Variants in SAP18 observed in about 807,000 individuals in gnomAD.
The protein encoded by SAP18 is histone deacetylase complex subunit SAP18.
In SAP18, 4 loss-of-function variants were observed where a neutral mutation model predicts 18.6. That is an observed-to-expected ratio of 0.21 (90% CI 0.11 to 0.49). The LOEUF is 0.49. Ranked by LOEUF, SAP18 falls within the 20% of genes least tolerant of loss-of-function variation. The pLI, the probability that SAP18 is intolerant of heterozygous loss-of-function variation, is 0.98. For synonymous variants in SAP18, 112 were observed against 82.8 expected (o/e 1.35, Z -1.92); for missense variants, 170 against 226.4 (o/e 0.75, Z 1.60).
At chr13:21,143,345 T>A (rs1012869000) in intron 2 of SAP18, among the ~76,000 whole-genome samples, 1 of 152,228 alleles carries the variant, frequency 6.6e-6, no homozygotes, top group Non-Finnish European at 1.5e-5. Context: ...AATTTTAAAC[T>A]ATTTAAGCCC....
intron 2 of SAP18, among the ~76,000 whole-genome samples, chr13:21,142,694 T>C (rs1869512712): frequency 6.6e-6 from 1 of 152,154 alleles, no homozygotes; most frequent in Non-Finnish European, 1.5e-5. Flanking sequence ...AACCACTGTT[T>C]CTACAAGTTT....
chr13:21,142,571 C>T (rs1334878147), intron 2 of SAP18, among the ~76,000 whole-genome samples: 1 of 152,010 alleles, frequency 6.6e-6, no homozygotes, highest in African/African-American at 2.4e-5. Context: ...AAGTGATCCA[C>T]CCACCTTGGC....
At chr13:21,145,396 C>T (rs1322394154) in intron 2 of SAP18, among the ~76,000 whole-genome samples, 2 of 152,082 alleles carry the variant, frequency 1.3e-5, no homozygotes, top group African/African-American at 4.8e-5. Context: ...CGCTTCTAGT[C>T]CCATGTATTT....
intron 2 of SAP18, 170 bp from the exon 3 acceptor site, chr13:21,146,635 G>C: frequency 2.1e-6 from 1 of 480,218 alleles, no homozygotes; most frequent in South Asian, 3.7e-5. Flanking sequence ...AGTTTTTGGA[G>C]GCAAATAGTA....
chr13:21,142,767 C>T (rs985869481), intron 2 of SAP18, among the ~76,000 whole-genome samples: 10 of 152,086 alleles, frequency 6.6e-5, no homozygotes, highest in Non-Finnish European at 1.3e-4. Context: ...TTTAAAGAGA[C>T]GGAGTCTTGC....
chr13:21,142,527 A>AT (rs967903624), intron 2 of SAP18, among the ~76,000 whole-genome samples: 8 of 151,194 alleles, frequency 5.3e-5, no homozygotes, highest in African/African-American at 2.0e-4. Flanking sequence ...GGGTTTCACC[A>AT]TGTTGGCCAG....
chr13:21,144,493 A>C (rs930609718), intron 2 of SAP18, among the ~76,000 whole-genome samples: 1 of 151,872 alleles, frequency 6.6e-6, no homozygotes, highest in Admixed American at 6.6e-5. Context: ...TTAATTGTCA[A>C]ATCTGTAGGG....
intron 2 of SAP18, among the ~76,000 whole-genome samples, chr13:21,145,594 C>T (rs989221952): frequency 6.6e-6 from 1 of 152,188 alleles, no homozygotes; most frequent in Non-Finnish European, 1.5e-5. Flanking sequence ...GCAGCCTCCG[C>T]CTCCCAGGTC....
chr13:21,140,726 GA>G, intron 1 of SAP18, 45 bp downstream of exon 1: 5 of 1,600,354 alleles, frequency 3.1e-6, no homozygotes, highest in Non-Finnish European at 4.3e-6. Context: ...GGTTGGGGAT[GA>G]GTCCCGCAGG....
chr13:21,141,666 ACTCT>A (rs900602625), intron 2 of SAP18: 6 of 151,928 alleles, frequency 3.9e-5, no homozygotes, highest in Non-Finnish European at 8.8e-5. Flanking sequence ...ATGTGTATAT[ACTCT>A]CTCTATATAT....
intron 2 of SAP18, among the ~76,000 whole-genome samples, chr13:21,142,254 T>A (rs1869493944): frequency 1.3e-5 from 2 of 149,726 alleles, no homozygotes; most frequent in African/African-American, 4.9e-5. Flanking sequence ...GCCACTGTAC[T>A]CCAGCCTGGG....
chr13:21,142,498 T>G (rs925737963), intron 2 of SAP18, among the ~76,000 whole-genome samples: 3 of 151,574 alleles, frequency 2.0e-5, no homozygotes, highest in African/African-American at 7.3e-5. Context: ...GGCTAATTTT[T>G]GTATTTTTAG....
chr13:21,147,094 T>C (rs1869676392), intron 3 of SAP18, 92 bp from the exon 4 acceptor site: 1 of 1,466,652 alleles, frequency 6.8e-7, no homozygotes, highest in Non-Finnish European at 9.2e-7. Flanking sequence ...TGTTATAAAA[T>C]GATGGAGAAA....
exon 4 of SAP18, chr13:21,148,750 G>A (rs757247515): frequency 6.6e-6 from 1 of 150,700 alleles, no homozygotes; most frequent in Non-Finnish European, 1.5e-5. Context: ...ATGATTAACT[G>A]CTATTCGTGG....
chr13:21,146,306 C>T (rs141752011), intron 2 of SAP18, among the ~76,000 whole-genome samples: 1 of 152,296 alleles, frequency 6.6e-6, no homozygotes, highest in African/African-American at 2.4e-5. Context: ...GAGGTCACGC[C>T]ACTGCACTCT....
intron 1 of SAP18, 57 bp from the exon 2 acceptor site, chr13:21,140,829 T>C: frequency 6.3e-7 from 1 of 1,576,266 alleles, no homozygotes; most frequent in South Asian, 1.1e-5. Flanking sequence ...AGAGATGAGC[T>C]CCGGGTTCGC....
exon 1 of SAP18, chr13:21,140,550 C>T (rs1205019788): frequency 2.5e-6 from 4 of 1,585,030 alleles, no homozygotes; most frequent in South Asian, 1.1e-5. Flanking sequence ...AGACTTAGTG[C>T]TCATGCTCGC....
At chr13:21,147,593 T>G in exon 4 of SAP18, 1 of 402,344 alleles carries the variant, frequency 2.5e-6, no homozygotes, top group Non-Finnish European at 4.5e-6. Flanking sequence ...TAAATATATG[T>G]GTGTAATCAG....
rs1187620139 is a variant in SAP18 at position 21,142,620 on chromosome 13, C to T, written c.239+1625C>T. Among the ~76,000 whole-genome samples the T allele has an allele frequency of 3.3e-5, 5 of 152,178 alleles. No individual in the cohort carries two copies. In the East Asian group the frequency reaches 9.7e-4, roughly 30 times the overall value. Reference sequence around the variant, plus strand: ...AGGTTTACAGGCATGAGCCACCGCACCTGGTCATTAACCATTTCTAAGTGT... The same window carrying T: ...AGGTTTACAGGCATGAGCCACCGCATCTGGTCATTAACCATTTCTAAGTGT... On this transcript the variant is annotated intron_variant, in intron 2 of 3. Transcript: ENST00000621421.
Sources: allele counts gnomAD v4.1 joint callset (sites outside exome capture counted in the v4.1 genomes callset), GRCh38; gene constraint gnomAD v4.1.1; transcripts MANE v1.5; gene names NCBI Gene and HGNC (gene_info 2026-07-23, HGNC 2026-07-21).